The following BLK variants were observed in gnomAD, a reference collection of about 807,000 sequenced individuals.
BLK encodes BLK proto-oncogene, Src family tyrosine kinase, also known as tyrosine-protein kinase Blk.
Under a neutral mutation model 61.8 loss-of-function variants are expected in BLK, and 64 were observed. The ratio of observed to expected loss-of-function variants is 1.03; its 90% CI spans 0.85 to 1.27. The LOEUF (loss-of-function observed/expected upper bound fraction) is 1.27. BLK is among the 50% of genes most tolerant of loss of function. The pLI, the probability that BLK is intolerant of heterozygous loss-of-function variation, is 0.00. For missense variants in BLK, 853 were observed against 660.5 expected (o/e 1.29, Z -3.19); for synonymous variants, 351 against 272.0 (o/e 1.29, Z -2.86).
chr8:11,519,074 T>C (rs1415868361), intron 1 of BLK, among the ~76,000 whole-genome samples: 1 of 152,224 alleles, frequency 6.6e-6, no homozygotes, highest in African/African-American at 2.4e-5. Flanking sequence ...GTCTGCCATC[T>C]GCCTTCCCCT....
At chr8:11,559,446 C>A (rs4841560) in intron 10 of BLK, among the ~76,000 whole-genome samples, 13,110 of 151,950 alleles carry the variant, frequency 0.086, 764 homozygotes, top group Middle Eastern at 0.18. Context: ...CACAGACACA[C>A]AAATACACAG....
chr8:11,511,385 T>A (rs1799002170), intron 1 of BLK, among the ~76,000 whole-genome samples: 1 of 151,954 alleles, frequency 6.6e-6, no homozygotes, highest in Non-Finnish European at 1.5e-5. Flanking sequence ...ATGGCACATG[T>A]ATACATATGT....
chr8:11,511,937 G>C (rs1283215049), intron 1 of BLK, among the ~76,000 whole-genome samples: 8 of 152,096 alleles, frequency 5.3e-5, no homozygotes, highest in Non-Finnish European at 1.5e-5. Flanking sequence ...GTCGGGAGGT[G>C]GAAAAGTAAG....
chr8:11,530,456 T>G (rs1350643166), intron 1 of BLK, among the ~76,000 whole-genome samples: 1 of 152,234 alleles, frequency 6.6e-6, no homozygotes, highest in African/African-American at 2.4e-5. Context: ...AAATATGTCA[T>G]TTCAGTCAAA....
intron 1 of BLK, among the ~76,000 whole-genome samples, chr8:11,521,205 T>A (rs1388675527): frequency 6.6e-6 from 1 of 152,224 alleles, no homozygotes. Context: ...TAATATTTGA[T>A]TTGTCAAGTC....
chr8:11,547,541 G>A (rs914080407), intron 3 of BLK, among the ~76,000 whole-genome samples: 8 of 152,366 alleles, frequency 5.3e-5, no homozygotes, highest in Admixed American at 1.3e-4. Flanking sequence ...TGTGGCTGGG[G>A]CTCTGGGCAC....
intron 1 of BLK, among the ~76,000 whole-genome samples, chr8:11,498,642 T>G (rs1246720155): frequency 1.3e-5 from 2 of 152,170 alleles, no homozygotes; most frequent in Non-Finnish European, 2.9e-5. Flanking sequence ...AGGGCTCCAG[T>G]GCAAGGTTCA....
intron 1 of BLK, among the ~76,000 whole-genome samples, chr8:11,536,975 C>T (rs1800158103): frequency 2.6e-5 from 4 of 152,136 alleles, no homozygotes; most frequent in Non-Finnish European, 4.4e-5. Flanking sequence ...CTGTACCTTC[C>T]GCTATGCCTG....
intron 10 of BLK, chr8:11,561,032 C>A: frequency 4.7e-6 from 3 of 639,608 alleles, no homozygotes; most frequent in South Asian, 3.0e-5. Flanking sequence ...CTCTGCAGAC[C>A]CTTGGACACA....
intron 1 of BLK, among the ~76,000 whole-genome samples, chr8:11,511,714 A>G (rs1437961638): frequency 6.6e-6 from 1 of 152,236 alleles, no homozygotes; most frequent in Non-Finnish European, 1.5e-5. Flanking sequence ...GCAAACAGTC[A>G]TGCAACAAAA....
intron 1 of BLK, among the ~76,000 whole-genome samples, chr8:11,532,466 C>T (rs190981319): frequency 5.9e-5 from 9 of 151,766 alleles, no homozygotes; most frequent in Admixed American, 3.9e-4. Flanking sequence ...CTGCCTTGGC[C>T]TCCTAAAGTG....
chr8:11,538,523 T>C (rs1330063746), intron 1 of BLK, among the ~76,000 whole-genome samples: 3 of 152,216 alleles, frequency 2.0e-5, no homozygotes, highest in East Asian at 3.8e-4. Context: ...CATTTAATCT[T>C]AGGAATTTTA....
intron 1 of BLK, among the ~76,000 whole-genome samples, chr8:11,521,734 G>A (rs914079946): frequency 1.3e-5 from 2 of 152,148 alleles, no homozygotes; most frequent in Non-Finnish European, 2.9e-5. Flanking sequence ...GTGCCTCCCC[G>A]GCATGTGCAT....
chr8:11,528,559 G>C (rs1368502847), intron 1 of BLK, among the ~76,000 whole-genome samples: 1 of 152,138 alleles, frequency 6.6e-6, no homozygotes, highest in Non-Finnish European at 1.5e-5. Flanking sequence ...ACGGAGATGA[G>C]AAAAGGCTAA....
intron 1 of BLK, among the ~76,000 whole-genome samples, chr8:11,536,044 C>G (rs948577809): frequency 2.6e-5 from 4 of 152,286 alleles, no homozygotes. Flanking sequence ...GTAGGACAAA[C>G]TAAGCAAGAA....
In BLK at chr8:11,564,114, C is replaced by CGCGCCCGCCT. The variant is rs1801617900; in HGVS notation, c.*13_*22dup. On this transcript the variant is annotated 3_prime_UTR_variant, in exon 13 of 13. Transcript: ENST00000259089. ...AGTACGAGCTGCAGCCCTAGCCGGC[C>CGCGCCCGCCT]GCGCCCGCCTGCGCCCCGTGCCCAC... 1 of 1,552,498 alleles carries CGCGCCCGCCT rather than the reference C, an allele frequency of 6.4e-7. No homozygotes were observed. The highest frequency in any genetic ancestry group is 1.9e-5 in the Admixed American group (1 of 52,838).
At chr8:11,552,025 T>A (rs1455617856) in intron 6 of BLK, among the ~76,000 whole-genome samples, 2 of 152,050 alleles carry the variant, frequency 1.3e-5, no homozygotes, top group African/African-American at 4.8e-5. Flanking sequence ...CAATTTTAAC[T>A]GGAGAGGAGA....
Position 11,550,155 on chromosome 8 carries a change from C to T in BLK, c.369-4C>T. The T allele has an allele frequency of 6.2e-7, 1 of 1,612,414 alleles. No individual in the cohort carries two copies. The highest frequency in any genetic ancestry group is 8.5e-7 in the Non-Finnish European group (1 of 1,179,218). On this transcript the variant is annotated splice_polypyrimidine_tract_variant and splice_region_variant and intron_variant, in intron 5 of 12. Coordinates refer to ENST00000259089, the MANE Select transcript of BLK (RefSeq NM_001715.3). ...GAGTTTCACCTGTTCCTGCCGTTTTCCAGGTGGTTCTTTAGATCACAGGGT... is the reference window on the plus strand; with the variant it reads ...GAGTTTCACCTGTTCCTGCCGTTTTTCAGGTGGTTCTTTAGATCACAGGGT...
chr8:11,557,959 T>G lies in BLK; in HGVS notation c.953-3T>G. ...AGGGCACTTGCAACTTCTCTTTTCT[T>G]AGGATGCCTGCTGGATTTCCTGAAG... On this transcript the variant is annotated splice_polypyrimidine_tract_variant and splice_region_variant and intron_variant, in intron 9 of 12. Transcript: ENST00000259089. 6.2e-7 allele frequency: 1 copy of G among 1,613,790 alleles called. No homozygotes were observed. The highest frequency in any genetic ancestry group is 8.5e-7 in the Non-Finnish European group (1 of 1,179,764).
Sources: allele counts gnomAD v4.1 joint callset (sites outside exome capture counted in the v4.1 genomes callset), GRCh38; gene constraint gnomAD v4.1.1; transcripts MANE v1.5; gene names NCBI Gene and HGNC (gene_info 2026-07-23, HGNC 2026-07-21).